PPP6R3: variants seen among roughly 807,000 people sequenced by gnomAD.
PPP6R3 encodes protein phosphatase 6 regulatory subunit 3.
In PPP6R3, 38 loss-of-function variants were observed where a neutral mutation model predicts 110.7. The observed-to-expected ratio is 0.34, with a 90% CI of 0.26 to 0.45. The LOEUF is 0.45. PPP6R3 is among the 20% of genes least tolerant of loss of function. The pLI, the probability that PPP6R3 is intolerant of heterozygous loss-of-function variation, is 1.00. For synonymous variants in PPP6R3, 369 were observed against 373.5 expected, an observed-to-expected ratio of 0.99 and a Z score of 0.14; for missense variants, 870 against 1,062.4, an observed-to-expected ratio of 0.82 and a Z score of 2.52.
At chr11:68,566,820 GC>G (rs1207913408) in intron 9 of PPP6R3, among the ~76,000 whole-genome samples, 193 bp from the exon 10 acceptor site, 1 of 152,034 alleles carries the variant, frequency 6.6e-6, no homozygotes. Context: ...GAAATTCCTT[GC>G]TTTTTTTTCC....
At chr11:68,567,253 TTA>T in intron 10 of PPP6R3, 87 bp downstream of exon 10, 1 of 1,332,726 alleles carries the variant, frequency 7.5e-7, no homozygotes, top group Non-Finnish European at 1.0e-6. Context: ...CAAATTTACA[TTA>T]TGTCAGTGAC....
chr11:68,488,922 T>C (rs2098965908), intron 1 of PPP6R3: 1 of 152,188 alleles, frequency 6.6e-6, no homozygotes, highest in South Asian at 2.1e-4. Flanking sequence ...TTCTGAAAAT[T>C]GCTCTTTTAA....
At chr11:68,545,090 C>A in intron 4 of PPP6R3, 66 bp downstream of exon 4, 2 of 1,279,094 alleles carry the variant, frequency 1.6e-6, no homozygotes, top group Non-Finnish European at 2.2e-6. Flanking sequence ...TCCCCCAGTA[C>A]TTGTTGCTTT....
chr11:68,478,624 T>A (rs1348430649), intron 1 of PPP6R3, among the ~76,000 whole-genome samples: 2 of 148,110 alleles, frequency 1.4e-5, no homozygotes, highest in Admixed American at 1.4e-4. Flanking sequence ...GACTCTCAAC[T>A]GATGAGTTAG....
At chr11:68,522,856 T>C (rs1055936538) in intron 2 of PPP6R3, among the ~76,000 whole-genome samples, 1 of 152,220 alleles carries the variant, frequency 6.6e-6, no homozygotes, top group Non-Finnish European at 1.5e-5. Flanking sequence ...AGTTCTTTCA[T>C]GAAGACTGTT....
chr11:68,462,611 G>A (rs1245980347), intron 1 of PPP6R3, among the ~76,000 whole-genome samples: 1 of 152,110 alleles, frequency 6.6e-6, no homozygotes, highest in Admixed American at 6.5e-5. Context: ...AAGATAGTTT[G>A]GGAAATAGCT....
chr11:68,488,211 A>G (rs1421908667), intron 1 of PPP6R3, among the ~76,000 whole-genome samples: 1 of 152,148 alleles, frequency 6.6e-6, no homozygotes, highest in East Asian at 1.9e-4. Context: ...TTAACATGAT[A>G]TATCTTTTTC....
rs75062556 is a variant in PPP6R3 at position 68,609,389 on chromosome 11, T to C, written c.2451-515T>C. ...TGACTGAGGCTTCCAGCCAGCAAGC[T>C]GATGGGGTCTGTCTTGCTGCTTTAA... On this transcript the variant is annotated intron_variant, in intron 22 of 23. Transcript: ENST00000393800. 3,173 of 694,378 alleles carry C rather than the reference T, an allele frequency of 4.6e-3. 81 individuals are homozygous for C. The African/African-American group carries it at 0.05, about 11-fold the overall frequency. 43.0% of individuals were successfully genotyped at this position (694,378 alleles called of 1,614,324 possible).
In PPP6R3 at chr11:68,575,949, A is replaced by G. The variant is rs546762412; in HGVS notation, c.1460-9A>G. ...GTGATAATGCTTTTTTGCTTTTCTC[A>G]CTCTGAAGATCTTCCCGACGAAGTC... is the stretch of plus-strand genomic sequence containing the variant. On this transcript the variant is annotated splice_polypyrimidine_tract_variant and intron_variant, in intron 13 of 23. Transcript: ENST00000393800. 1 of 1,597,368 alleles carries G rather than the reference A, an allele frequency of 6.3e-7. No homozygotes were observed. The highest frequency in any genetic ancestry group is 1.4e-5 in the African/African-American group (1 of 74,068).
chr11:68,461,267 C>G (rs2098704126), intron 1 of PPP6R3, among the ~76,000 whole-genome samples: 1 of 151,992 alleles, frequency 6.6e-6, no homozygotes, highest in Non-Finnish European at 1.5e-5. Flanking sequence ...GGGAGCGCGT[C>G]AAGTTGAGGC....
rs1307515065 is a variant in PPP6R3 at position 68,603,236 on chromosome 11, TC to T, written c.2300-105del. ...GCAGAAGCCATCTCACTCTTTTTTTTCTTCAAGCAGTAGATGTCACGTTGGG... is the reference window on the plus strand; with the variant it reads ...GCAGAAGCCATCTCACTCTTTTTTTTTTCAAGCAGTAGATGTCACGTTGGG... On this transcript the variant is annotated intron_variant, in intron 21 of 23. Transcript: ENST00000393800. The T allele has an allele frequency of 7.0e-6, 10 of 1,422,054 alleles. No homozygotes were observed. In the African/African-American group the frequency reaches 1.4e-4, roughly 20 times the overall value. The allele number at this position is 1,422,054 out of a possible 1,614,324, so 88.1% of individuals were successfully genotyped here.
intron 20 of PPP6R3, among the ~76,000 whole-genome samples, chr11:68,600,905 A>G (rs1460678518): frequency 6.6e-6 from 1 of 152,208 alleles, no homozygotes; most frequent in Non-Finnish European, 1.5e-5. Context: ...GGCAAACAAA[A>G]TGGATCTTGA....
chr11:68,613,164 C>T lies in PPP6R3; in HGVS notation c.*47C>T. On this transcript the variant is annotated 3_prime_UTR_variant, in exon 24 of 24. Transcript: ENST00000393800. ...GACTGAGGACTGCAGACCGCCACCACTCAGGGGCTCTGGAGGGGTCAGCTG... is the reference window on the plus strand; with the variant it reads ...GACTGAGGACTGCAGACCGCCACCATTCAGGGGCTCTGGAGGGGTCAGCTG... The T allele has an allele frequency of 6.2e-7, 1 of 1,611,230 alleles. No homozygotes were observed. The highest frequency in any genetic ancestry group is 8.5e-7 in the Non-Finnish European group (1 of 1,178,910).
rs111658202 is a variant in PPP6R3 at position 68,473,053 on chromosome 11, C to T, written c.-158+12226C>T. Among the ~76,000 whole-genome samples, 653 of 152,212 alleles carry T rather than the reference C, an allele frequency of 4.3e-3. 2 individuals carry two copies. The highest frequency in any genetic ancestry group is 0.015 in the African/African-American group (603 of 41,506). On this transcript the variant is annotated intron_variant, in intron 1 of 23. Coordinates refer to ENST00000393800, the MANE Select transcript of PPP6R3 (RefSeq NM_001164161.2). ...TGATTTTCATCCTTGGCATAGTTTC[C>T]GGGCATACAGCTCCTAAAATCTTTG...
intron 1 of PPP6R3, among the ~76,000 whole-genome samples, chr11:68,484,321 G>A (rs1007368192): frequency 3.9e-5 from 6 of 152,106 alleles, no homozygotes; most frequent in Non-Finnish European, 7.4e-5. Flanking sequence ...TTTTATATTC[G>A]CACCAGCAAT....
At chr11:68,487,968 T>C (rs1458653138) in intron 1 of PPP6R3, among the ~76,000 whole-genome samples, 1 of 152,236 alleles carries the variant, frequency 6.6e-6, no homozygotes, top group Non-Finnish European at 1.5e-5. Context: ...TGTTGAAGTT[T>C]CCAACTATAA....
At chr11:68,554,961 A>G (rs1336723712) in intron 7 of PPP6R3, among the ~76,000 whole-genome samples, 1 of 152,156 alleles carries the variant, frequency 6.6e-6, no homozygotes, top group Non-Finnish European at 1.5e-5. Flanking sequence ...TTCCTGCTGT[A>G]TATTGAGGCT....
rs1043134592 is a variant in PPP6R3 at position 68,615,004 on chromosome 11, G to C, written c.*1887G>C. ...TTCTCCATCCCACTGTGGCCTCTGTGGTATGGACCTGGTGGCTTCTCCATC... is the reference window on the plus strand; with the variant it reads ...TTCTCCATCCCACTGTGGCCTCTGTCGTATGGACCTGGTGGCTTCTCCATC... On this transcript the variant is annotated 3_prime_UTR_variant, in exon 24 of 24. Coordinates refer to ENST00000393800, the MANE Select transcript of PPP6R3 (RefSeq NM_001164161.2). 1.3e-5 allele frequency: 7 copies of C among 540,000 alleles called. No individual in the cohort carries two copies. Among genetic ancestry groups the C allele is most frequent in the Non-Finnish European group, 2.1e-5 (6 of 281,204 alleles). 33.5% of individuals were successfully genotyped at this position (540,000 alleles called of 1,614,324 possible). A position where few individuals can be genotyped will look rare whatever the true frequency, so the allele number is the denominator to read the frequency against.
chr11:68,599,966 C>CA (rs2153930775), intron 19 of PPP6R3, among the ~76,000 whole-genome samples: 1 of 152,244 alleles, frequency 6.6e-6, no homozygotes, highest in Non-Finnish European at 1.5e-5. Flanking sequence ...ACTAAAAATA[C>CA]AAAAAATTAG....
Sources: allele counts gnomAD v4.1 joint callset (sites outside exome capture counted in the v4.1 genomes callset), GRCh38; gene constraint gnomAD v4.1.1; transcripts MANE v1.5; gene names NCBI Gene and HGNC (gene_info 2026-07-23, HGNC 2026-07-21).